PIP4K2A: variants seen among roughly 807,000 people sequenced by gnomAD.
PIP4K2A encodes phosphatidylinositol-5-phosphate 4-kinase type 2 alpha.
Under a neutral mutation model 42.9 loss-of-function variants are expected in PIP4K2A, and 14 were observed. That is an observed-to-expected ratio of 0.33 (90% CI 0.22 to 0.51). The LOEUF is 0.51. PIP4K2A is among the 20% of genes least tolerant of loss of function. The pLI is 0.97. For missense variants in PIP4K2A, 434 were observed against 519.8 expected (o/e 0.83, Z 1.61); for synonymous variants, 192 against 192.2 (o/e 1.00, Z 0.01).
chr10:22,541,509 T>C (rs56229946), intron 8 of PIP4K2A, among the ~76,000 whole-genome samples: 2,607 of 152,364 alleles, frequency 0.017, 60 homozygotes, highest in African/African-American at 0.058. Context: ...ACGTACGTTG[T>C]ATGCCAGTGT....
intron 1 of PIP4K2A, among the ~76,000 whole-genome samples, chr10:22,614,529 C>T (rs1330927228): frequency 6.6e-6 from 1 of 152,158 alleles, no homozygotes; most frequent in Non-Finnish European, 1.5e-5. Flanking sequence ...CAGAAAACTT[C>T]TTCGTCAGGT....
rs191390769 is a variant in PIP4K2A, at chr10:22,557,539, G to A, written c.679-6767C>T. Among the ~76,000 whole-genome samples the A allele has an allele frequency of 4.4e-4, 67 of 152,292 alleles. 1 individual carries two copies. Among genetic ancestry groups the A allele is most frequent in the African/African-American group, 1.6e-3 (66 of 41,574 alleles). ...AGGTTCTGTAATTTGATGCATAACT[G>A]CTGTCATTCATATGGAGTTGAGCAA... On this transcript the variant is annotated intron_variant, in intron 6 of 9. Coordinates refer to ENST00000376573, the MANE Select transcript of PIP4K2A (RefSeq NM_005028.5).
rs11013064 is a variant in PIP4K2A, at chr10:22,607,416, T to C, written c.339+511A>G. ...GTTGGGTTCCTGGTGCTGACCACAG[T>C]GCTATGGTCACTCCACAGTCCAGCA... On this transcript the variant is annotated intron_variant, in intron 3 of 9. Coordinates refer to ENST00000376573, the MANE Select transcript of PIP4K2A (RefSeq NM_005028.5). Among the ~76,000 whole-genome samples, 891 of 152,268 alleles carry C rather than the reference T, an allele frequency of 5.9e-3. 5 individuals are homozygous for C. The highest frequency in any genetic ancestry group is 0.02 in the African/African-American group (838 of 41,550).
chr10:22,591,993 C>G (rs183105788), intron 3 of PIP4K2A, among the ~76,000 whole-genome samples: 6 of 152,300 alleles, frequency 3.9e-5, no homozygotes, highest in Admixed American at 2.6e-4. Flanking sequence ...TTGAATTGTA[C>G]TATGATTCTA....
At chr10:22,657,946 G>A (rs1158078573) in intron 1 of PIP4K2A, among the ~76,000 whole-genome samples, 3 of 152,126 alleles carry the variant, frequency 2.0e-5, no homozygotes, top group East Asian at 1.9e-4. Context: ...TTAGCTGGAC[G>A]TAGAAAGTGG....
intron 1 of PIP4K2A, among the ~76,000 whole-genome samples, chr10:22,610,277 G>A (rs1314208143): frequency 6.6e-6 from 1 of 152,204 alleles, no homozygotes; most frequent in Admixed American, 6.5e-5. Flanking sequence ...CGTGGTCCCA[G>A]GACTACAAGA....
intron 9 of PIP4K2A, among the ~76,000 whole-genome samples, chr10:22,537,789 G>A (rs892830706): frequency 2.6e-5 from 4 of 152,148 alleles, no homozygotes; most frequent in African/African-American, 9.7e-5. Context: ...CAAACATGAG[G>A]GGCAACAGCA....
intron 8 of PIP4K2A, among the ~76,000 whole-genome samples, chr10:22,540,321 A>T (rs1836071624): frequency 6.6e-6 from 1 of 151,462 alleles, no homozygotes; most frequent in Non-Finnish European, 1.5e-5. Flanking sequence ...AAACATCATC[A>T]CACCAGGGTA....
intron 7 of PIP4K2A, among the ~76,000 whole-genome samples, chr10:22,544,713 A>C (rs758195458): frequency 2.6e-5 from 4 of 152,232 alleles, no homozygotes; most frequent in Non-Finnish European, 4.4e-5. Context: ...TCTGCTTAAC[A>C]CATTTCCATA....
At chr10:22,651,249 C>G (rs1056167752) in intron 1 of PIP4K2A, among the ~76,000 whole-genome samples, 2 of 152,158 alleles carry the variant, frequency 1.3e-5, no homozygotes, top group African/African-American at 4.8e-5. Flanking sequence ...TCACTCTGTC[C>G]CTCCTCCAAG....
At chr10:22,538,319 T>A (rs1255405710) in intron 9 of PIP4K2A, among the ~76,000 whole-genome samples, 1 of 150,732 alleles carries the variant, frequency 6.6e-6, no homozygotes, top group Non-Finnish European at 1.5e-5. Context: ...ACTTGTGGCT[T>A]ATGGGGAGAT....
At position 22,550,774 on chromosome 10, in the gene PIP4K2A, T is replaced by G. The variant is rs1277689883; in HGVS notation, c.679-2A>C. The G allele has an allele frequency of 6.5e-7, 1 of 1,547,656 alleles. No individual in the cohort carries two copies. Among genetic ancestry groups the G allele is most frequent in the Non-Finnish European group, 8.9e-7 (1 of 1,120,724 alleles). Reference sequence around the variant, plus strand: ...TTTCAGAGTTGGCAGTTCTTTGGCCTAAAACAAATGAGAAAAACAATGACA... The same window carrying G: ...TTTCAGAGTTGGCAGTTCTTTGGCCGAAAACAAATGAGAAAAACAATGACA... On this transcript the variant is annotated splice_acceptor_variant, in intron 6 of 9. Transcript: ENST00000376573. LOFTEE classifies it high-confidence loss of function.
At chr10:22,602,404 AAAAG>A (rs1350428389) in intron 3 of PIP4K2A, among the ~76,000 whole-genome samples, 23 of 151,314 alleles carry the variant, frequency 1.5e-4, no homozygotes, top group South Asian at 2.1e-4. Flanking sequence ...TAAAAAAAAA[AAAAG>A]AAAAGAAAAG....
Position 22,546,505 on chromosome 10 carries a change from G to A in PIP4K2A, c.792+4154C>T, listed in dbSNP as rs548705964. ...TGGCTCACTGAAGCCTCAAACTCTTGGACTCAAGGGATCCTCCTGCTTCAG... is the reference window on the plus strand; with the variant it reads ...TGGCTCACTGAAGCCTCAAACTCTTAGACTCAAGGGATCCTCCTGCTTCAG... On this transcript the variant is annotated intron_variant, in intron 7 of 9. Transcript: ENST00000376573. Among the ~76,000 whole-genome samples, 5 of 152,188 alleles carry A rather than the reference G, an allele frequency of 3.3e-5. No homozygotes were observed. The East Asian group carries it at 9.7e-4, about 29-fold the overall frequency.
intron 7 of PIP4K2A, among the ~76,000 whole-genome samples, chr10:22,545,873 AT>A (rs1468802358): frequency 6.6e-6 from 1 of 151,492 alleles, no homozygotes; most frequent in African/African-American, 2.4e-5. Flanking sequence ...CCAGCTAATT[AT>A]TTTTTATTTT....
intron 4 of PIP4K2A, among the ~76,000 whole-genome samples, chr10:22,575,737 A>C (rs761805506): frequency 2.0e-5 from 3 of 152,100 alleles, no homozygotes; most frequent in Non-Finnish European, 4.4e-5. Flanking sequence ...CAGGAGTCCA[A>C]GATCAGCCTG....
intron 1 of PIP4K2A, among the ~76,000 whole-genome samples, chr10:22,618,137 G>A (rs372093742): frequency 1.3e-5 from 2 of 152,140 alleles, no homozygotes; most frequent in Admixed American, 6.6e-5. Flanking sequence ...ATGGATGCTC[G>A]CTAGGTTCAC....
chr10:22,603,299 G>A (rs923223032), intron 3 of PIP4K2A, among the ~76,000 whole-genome samples: 4 of 152,122 alleles, frequency 2.6e-5, no homozygotes, highest in Non-Finnish European at 5.9e-5. Context: ...GGTCTATTTA[G>A]GTTTAACAGC....
At chr10:22,588,372 C>T (rs112307294) in intron 4 of PIP4K2A, among the ~76,000 whole-genome samples, 4,922 of 151,184 alleles carry the variant, frequency 0.033, 270 homozygotes, top group African/African-American at 0.12. Context: ...TCCCTGTGTC[C>T]GCTCTGTGGG....
Sources: allele counts gnomAD v4.1 joint callset (sites outside exome capture counted in the v4.1 genomes callset), GRCh38; gene constraint gnomAD v4.1.1; transcripts MANE v1.5; gene names NCBI Gene and HGNC (gene_info 2026-07-23, HGNC 2026-07-21).